Variants in PIK3C2G observed in about 807,000 individuals in gnomAD.
PIK3C2G encodes the protein phosphatidylinositol-4-phosphate 3-kinase catalytic subunit type 2 gamma, also known as phosphatidylinositol 3-kinase C2 domain-containing subunit gamma.
Under a neutral mutation model 181.1 loss-of-function variants are expected in PIK3C2G, and 168 were observed. The observed-to-expected ratio is 0.93, with a 90% CI of 0.82 to 1.05. PIK3C2G has a LOEUF of 1.05. Ranked by LOEUF, PIK3C2G falls within the 50% of genes least tolerant of loss-of-function variation. The pLI is 0.00. For missense variants in PIK3C2G, 1,869 were observed against 1,732.8 expected (o/e 1.08, Z -1.40); for synonymous variants, 573 against 592.2 (o/e 0.97, Z 0.47).
chr12:18,252,994 T>G (rs1343366356), intron 1 of PIK3C2G, among the ~76,000 whole-genome samples: 1 of 152,130 alleles, frequency 6.6e-6, no homozygotes, highest in Admixed American at 6.5e-5. Context: ...AAACTTTCCC[T>G]GAGATGATGG....
intron 32 of PIK3C2G, among the ~76,000 whole-genome samples, chr12:18,641,546 C>T (rs1949837656): frequency 1.3e-5 from 2 of 152,036 alleles, no homozygotes; most frequent in African/African-American, 4.8e-5. Flanking sequence ...CATTTCTCTA[C>T]CACCTCTCTC....
At chr12:18,382,120 G>C (rs1942882234) in intron 14 of PIK3C2G, among the ~76,000 whole-genome samples, 1 of 152,084 alleles carries the variant, frequency 6.6e-6, no homozygotes, top group African/African-American at 2.4e-5. Context: ...GGTCATGTTG[G>C]AGAACTATGG....
At position 18,572,742 on chromosome 12, in the gene PIK3C2G, G is replaced by A. The variant is rs144610707; in HGVS notation, c.4011+5685G>A. ...TAAACCTTTTCACTATATCCTTTAT[G>A]CCTCCTACTCCTTACTCTTACTCCT... On this transcript the variant is annotated intron_variant, in intron 29 of 32. Transcript: ENST00000538779. 3.8e-4 allele frequency among the ~76,000 whole-genome samples: 58 copies of A among 151,828 alleles called. No individual in the cohort carries two copies. The East Asian group carries it at 9.3e-3, about 24-fold the overall frequency.
At chr12:18,405,623 T>C (rs1415491798) in intron 16 of PIK3C2G, among the ~76,000 whole-genome samples, 1 of 152,142 alleles carries the variant, frequency 6.6e-6, no homozygotes, top group Non-Finnish European at 1.5e-5. Flanking sequence ...GGTGGTATCT[T>C]AGAACTCTTG....
intron 2 of PIK3C2G, among the ~76,000 whole-genome samples, chr12:18,284,503 C>T (rs182404146): frequency 6.6e-6 from 1 of 152,100 alleles, no homozygotes; most frequent in African/African-American, 2.4e-5. Context: ...AATTTTGGCT[C>T]TCGCTCAAGA....
chr12:18,562,521 A>G (rs924625777), intron 26 of PIK3C2G, among the ~76,000 whole-genome samples, 182 bp from the exon 27 acceptor site: 3 of 152,218 alleles, frequency 2.0e-5, no homozygotes, highest in Non-Finnish European at 4.4e-5. Flanking sequence ...TTTATTTGCT[A>G]ACAACTCCAG....
intron 24 of PIK3C2G, among the ~76,000 whole-genome samples, chr12:18,520,269 G>A (rs539842642): frequency 5.1e-4 from 78 of 152,160 alleles, no homozygotes; most frequent in South Asian, 4.1e-3. Flanking sequence ...GGCCTGTCTT[G>A]CTAGGTTGGG....
chr12:18,487,209 G>A (rs1940139018), intron 18 of PIK3C2G, among the ~76,000 whole-genome samples: 1 of 150,506 alleles, frequency 6.6e-6, no homozygotes. Context: ...AATAAAAGAG[G>A]TACTAGAAGA....
At chr12:18,592,883 T>A (rs902783259) in intron 29 of PIK3C2G, among the ~76,000 whole-genome samples, 1 of 151,934 alleles carries the variant, frequency 6.6e-6, no homozygotes, top group Non-Finnish European at 1.5e-5. Context: ...CAGCATTAGA[T>A]GGTTTGCCAG....
chr12:18,589,350 G>C (rs1487951508), intron 29 of PIK3C2G, among the ~76,000 whole-genome samples: 1 of 152,024 alleles, frequency 6.6e-6, no homozygotes, highest in Non-Finnish European at 1.5e-5. Flanking sequence ...AGAATGTAAA[G>C]AAAGGAATTT....
At chr12:18,458,107 C>T (rs1167946898) in intron 18 of PIK3C2G, among the ~76,000 whole-genome samples, 1 of 152,006 alleles carries the variant, frequency 6.6e-6, no homozygotes, top group East Asian at 1.9e-4. Flanking sequence ...TATTTACTAC[C>T]TTCATCTTAT....
At chr12:18,272,233 T>A (rs1270620212) in intron 1 of PIK3C2G, among the ~76,000 whole-genome samples, 4 of 152,198 alleles carry the variant, frequency 2.6e-5, no homozygotes, top group African/African-American at 9.6e-5. Context: ...AACCATATTA[T>A]TTTTTCTGTA....
At chr12:18,723,115 T>C in the PIK3C2G span, among the ~76,000 whole-genome samples, 1 of 152,148 alleles carries the variant, frequency 6.6e-6, no homozygotes, top group African/African-American at 2.4e-5. Flanking sequence ...GGAAAGGATG[T>C]CATGGTTGCA....
the PIK3C2G span, among the ~76,000 whole-genome samples, chr12:18,686,951 T>C: frequency 1.3e-5 from 2 of 151,980 alleles, no homozygotes; most frequent in African/African-American, 2.4e-5. Context: ...AAGGGGTGCA[T>C]TGAATAAATT....
At chr12:18,470,800 G>A (rs191231105) in intron 18 of PIK3C2G, among the ~76,000 whole-genome samples, 27 of 152,196 alleles carry the variant, frequency 1.8e-4, no homozygotes, top group Admixed American at 1.3e-3. Context: ...CAACAGAAGG[G>A]AGGAAAGATG....
intron 24 of PIK3C2G, among the ~76,000 whole-genome samples, chr12:18,523,967 C>A (rs945105394): frequency 6.6e-6 from 1 of 152,168 alleles, no homozygotes; most frequent in Non-Finnish European, 1.5e-5. Context: ...TATGTTTTCT[C>A]CATTATAATG....
the PIK3C2G span, chr12:18,701,637 TCCTCCTCCTCC>T: frequency 6.3e-7 from 1 of 1,588,710 alleles, no homozygotes; most frequent in Admixed American, 1.7e-5. Context: ...CTCCTCCTCC[TCCTCCTCCTCC>T]TCCTCTCCAT....
Position 18,566,847 on chromosome 12 carries a change from T to C in PIK3C2G, c.3903-102T>C, listed in dbSNP as rs560862811. ...ACTATGACTTTTTCAAATGTTTTCA[T>C]TGGCCCTTCCATCTGATACAGCTGT... On this transcript the variant is annotated intron_variant, in intron 28 of 32. Coordinates refer to ENST00000538779, the MANE Select transcript of PIK3C2G (RefSeq NM_001288772.2). 2.1e-4 allele frequency: 151 copies of C among 703,138 alleles called. No homozygotes were observed. The African/African-American group carries it at 2.3e-3, about 11-fold the overall frequency. 43.6% of individuals were successfully genotyped at this position (703,138 alleles called of 1,614,324 possible). A position where few individuals can be genotyped will look rare whatever the true frequency, so the allele number is the denominator to read the frequency against.
chr12:18,639,667 A>G (rs973502440), intron 31 of PIK3C2G, among the ~76,000 whole-genome samples: 2 of 152,260 alleles, frequency 1.3e-5, no homozygotes, highest in African/African-American at 2.4e-5. Context: ...TAACATATCC[A>G]TAACAGATTT....
Sources: allele counts gnomAD v4.1 joint callset (sites outside exome capture counted in the v4.1 genomes callset), GRCh38; gene constraint gnomAD v4.1.1; transcripts MANE v1.5; gene names NCBI Gene and HGNC (gene_info 2026-07-23, HGNC 2026-07-21).